FSHR: variants seen among roughly 807,000 people sequenced by gnomAD.
FSHR encodes follicle stimulating hormone receptor, also known as follicle-stimulating hormone receptor.
A neutral mutation model predicts 52.1 loss-of-function variants in FSHR; 46 were observed. That is an observed-to-expected ratio of 0.88 (90% CI 0.70 to 1.13). FSHR has a LOEUF of 1.13. FSHR is among the 50% of genes most tolerant of loss of function. The pLI, the probability that FSHR is intolerant of heterozygous loss-of-function variation, is 0.00. For synonymous variants in FSHR, 399 were observed against 309.6 expected, an observed-to-expected ratio of 1.29 and a Z score of -3.03; for missense variants, 964 against 834.6, an observed-to-expected ratio of 1.16 and a Z score of -1.91.
chr2:48,979,775 A>G (rs1051934525), intron 8 of FSHR, among the ~76,000 whole-genome samples: 7 of 151,862 alleles, frequency 4.6e-5, no homozygotes, highest in African/African-American at 1.5e-4. Flanking sequence ...CCCTCCGGTA[A>G]ACCTCCCGCA....
chr2:49,130,563 C>T (rs1420184763), intron 1 of FSHR, among the ~76,000 whole-genome samples: 6 of 152,206 alleles, frequency 3.9e-5, no homozygotes, highest in Non-Finnish European at 8.8e-5. Context: ...TCATTAATTT[C>T]ATTTATTCAA....
At chr2:49,038,878 T>A (rs897034798) in intron 2 of FSHR, among the ~76,000 whole-genome samples, 1 of 152,054 alleles carries the variant, frequency 6.6e-6, no homozygotes, top group East Asian at 1.9e-4. Context: ...GAATAGAACA[T>A]GTAACTTCCA....
At chr2:49,005,758 T>C (rs1280734003) in intron 4 of FSHR, among the ~76,000 whole-genome samples, 2 of 152,176 alleles carry the variant, frequency 1.3e-5, no homozygotes, top group Non-Finnish European at 2.9e-5. Flanking sequence ...AGCACCACCA[T>C]TACTGTATCC....
chr2:49,118,942 G>A (rs759865047), intron 1 of FSHR, among the ~76,000 whole-genome samples: 4 of 152,062 alleles, frequency 2.6e-5, no homozygotes, highest in Non-Finnish European at 4.4e-5. Flanking sequence ...TGTACTTTTT[G>A]CTTTGCAATA....
chr2:49,148,425 A>C (rs1504184), intron 1 of FSHR, among the ~76,000 whole-genome samples: 1 of 151,840 alleles, frequency 6.6e-6, no homozygotes, highest in Non-Finnish European at 1.5e-5. Context: ...TCTTTATTCA[A>C]TACTGAGGAG....
intron 2 of FSHR, among the ~76,000 whole-genome samples, chr2:49,029,393 A>G (rs1435016531): frequency 6.6e-6 from 1 of 152,224 alleles, no homozygotes; most frequent in Non-Finnish European, 1.5e-5. Context: ...ATCCATTAGC[A>G]CACACAGCCT....
intron 8 of FSHR, among the ~76,000 whole-genome samples, chr2:48,975,934 C>T (rs946367157): frequency 2.6e-5 from 4 of 152,052 alleles, no homozygotes; most frequent in Admixed American, 6.6e-5. Flanking sequence ...CATCCGCAAA[C>T]GGACAATCTG....
chr2:49,100,232 T>G lies in FSHR; in HGVS notation c.153-31942A>C, dbSNP rs1399115012. ...AGGTGGTAGTGCCATAATTCAGTTC[T>G]AGGAACATGCTTGCTCTAGCATCCA... On this transcript the variant is annotated intron_variant, in intron 1 of 9. Coordinates refer to ENST00000406846, the MANE Select transcript of FSHR (RefSeq NM_000145.4). 2.0e-5 allele frequency among the ~76,000 whole-genome samples: 3 copies of G among 152,276 alleles called. No individual in the cohort carries two copies. In the East Asian group the frequency reaches 5.8e-4, roughly 29 times the overall value.
intron 1 of FSHR, among the ~76,000 whole-genome samples, chr2:49,074,024 A>T (rs988638546): frequency 6.6e-6 from 1 of 152,084 alleles, no homozygotes; most frequent in Admixed American, 6.6e-5. Flanking sequence ...CTCTCATTCT[A>T]TATAGAAATG....
intron 1 of FSHR, among the ~76,000 whole-genome samples, chr2:49,148,231 T>G (rs1266863965): frequency 1.3e-5 from 2 of 151,980 alleles, no homozygotes; most frequent in African/African-American, 4.8e-5. Context: ...ATATTCAACT[T>G]TTAACTCAGT....
intron 1 of FSHR, among the ~76,000 whole-genome samples, chr2:49,144,204 C>T (rs186405733): frequency 2.1e-4 from 32 of 152,192 alleles, no homozygotes; most frequent in Non-Finnish European, 1.0e-4. Flanking sequence ...TTCAACCAGC[C>T]CAAGTCAAGA....
In FSHR at chr2:49,150,655, T is replaced by G. The variant is rs142415641; in HGVS notation, c.152+3611A>C. On this transcript the variant is annotated intron_variant, in intron 1 of 9. Coordinates refer to ENST00000406846, the MANE Select transcript of FSHR (RefSeq NM_000145.4). ...GTTTAAACTCAGGTCTCTCAGATTC[T>G]AAACACTATACTCCACCATCTCTGA... Among the ~76,000 whole-genome samples, 104 of 152,132 alleles carry G rather than the reference T, an allele frequency of 6.8e-4. 2 individuals are homozygous for G. The highest frequency in any genetic ancestry group is 2.5e-3 in the African/African-American group (103 of 41,520).
At chr2:49,141,540 T>C (rs1023141736) in intron 1 of FSHR, among the ~76,000 whole-genome samples, 2 of 151,882 alleles carry the variant, frequency 1.3e-5, no homozygotes, top group African/African-American at 2.4e-5. Flanking sequence ...CCATGAAGGA[T>C]CCACCCCAAT....
chr2:49,052,017 ACT>A, intron 2 of FSHR, among the ~76,000 whole-genome samples: 1 of 152,094 alleles, frequency 6.6e-6, no homozygotes, highest in Non-Finnish European at 1.5e-5. Flanking sequence ...ACATTTCCCA[ACT>A]CATTTTATAA....
At chr2:49,074,789 A>G (rs1669886052) in intron 1 of FSHR, among the ~76,000 whole-genome samples, 1 of 150,334 alleles carries the variant, frequency 6.7e-6, no homozygotes, top group East Asian at 2.0e-4. Context: ...TCCAACAGAT[A>G]AATGGATAAA....
chr2:49,071,906 C>G (rs1050954161), intron 1 of FSHR, among the ~76,000 whole-genome samples: 1 of 152,028 alleles, frequency 6.6e-6, no homozygotes, highest in Non-Finnish European at 1.5e-5. Context: ...TGGCACCAAG[C>G]TGCTCATGAG....
intron 1 of FSHR, among the ~76,000 whole-genome samples, chr2:49,127,815 T>A (rs868249999): frequency 6.6e-5 from 4 of 61,038 alleles, no homozygotes; most frequent in African/African-American, 2.1e-4. Context: ...CTTCTTCTTC[T>A]TCTTCTTCTT....
In FSHR at chr2:49,020,068, C is replaced by T. The variant is rs773583739; in HGVS notation, c.299+18G>A. 5 of 1,608,556 alleles carry T rather than the reference C, an allele frequency of 3.1e-6. No individual in the cohort carries two copies. In the African/African-American group the frequency reaches 6.7e-5, roughly 22 times the overall value. On this transcript the variant is annotated intron_variant, in intron 3 of 9. Transcript: ENST00000406846. ...TTCAAGAATGGCCATGAGCAAATCC[C>T]CCAATCTTCTTGCTTACATTTCATG...
intron 8 of FSHR, among the ~76,000 whole-genome samples, chr2:48,973,847 A>G (rs1674857251): frequency 6.6e-6 from 1 of 152,186 alleles, no homozygotes; most frequent in Non-Finnish European, 1.5e-5. Flanking sequence ...AGAATATTGC[A>G]CCTTGTGTTA....
Sources: gnomAD v4.1 joint callset for allele counts (sites outside exome capture counted in the v4.1 genomes callset) on GRCh38, gnomAD v4.1.1 for gene constraint, MANE v1.5 for transcripts, NCBI Gene and HGNC (gene_info 2026-07-23, HGNC 2026-07-21) for gene names.